The following GALNT17 variants were observed in gnomAD, a reference collection of about 807,000 sequenced individuals.
GALNT17 encodes the protein UDP-GalNAc:polypeptide N-acetylgalactosaminyltransferase-like 3.
GALNT17 carries 29 observed loss-of-function variants against 63.7 expected under a neutral mutation model. That is an observed-to-expected ratio of 0.46 (90% confidence interval 0.34 to 0.62). The LOEUF is 0.62. GALNT17 is among the 20% of genes least tolerant of loss of function. GALNT17 has a pLI of 0.01. For synonymous variants in GALNT17, 305 were observed against 318.3 expected (o/e 0.96, Z 0.45); for missense variants, 603 against 799.6 (o/e 0.75, Z 2.97).
intron 6 of GALNT17, among the ~76,000 whole-genome samples, chr7:71,615,913 A>T (rs1195459752): frequency 6.6e-6 from 1 of 152,176 alleles, no homozygotes; most frequent in African/African-American, 2.4e-5. Context: ...TCCCCTGAGG[A>T]TAGCAGGGGA....
intron 2 of GALNT17, among the ~76,000 whole-genome samples, chr7:71,360,314 A>C (rs1295078000): frequency 9.9e-5 from 15 of 152,206 alleles, no homozygotes; most frequent in Admixed American, 9.8e-4. Context: ...AACTCGGATA[A>C]GATGTGATCT....
At chr7:71,567,002 A>G (rs1271076633) in intron 5 of GALNT17, among the ~76,000 whole-genome samples, 1 of 152,134 alleles carries the variant, frequency 6.6e-6, no homozygotes, top group Non-Finnish European at 1.5e-5. Context: ...AACGCGTGTG[A>G]GCCTATTGAG....
chr7:71,519,869 A>G (rs1353080934), intron 5 of GALNT17, among the ~76,000 whole-genome samples: 2 of 152,230 alleles, frequency 1.3e-5, no homozygotes, highest in Non-Finnish European at 2.9e-5. Context: ...TCGTTAATGT[A>G]GCTATTCAAT....
intron 1 of GALNT17, among the ~76,000 whole-genome samples, chr7:71,158,710 C>CCGGAG (rs1388896163): frequency 6.6e-6 from 1 of 151,474 alleles, no homozygotes; most frequent in Non-Finnish European, 1.5e-5. Context: ...CCGAGTAGCT[C>CCGGAG]CGACTACAGG....
intron 5 of GALNT17, among the ~76,000 whole-genome samples, chr7:71,462,774 T>C (rs565886537): frequency 6.6e-6 from 1 of 152,168 alleles, no homozygotes; most frequent in Non-Finnish European, 1.5e-5. Flanking sequence ...CAATCAGATA[T>C]GCATCTATCT....
chr7:71,598,816 C>G (rs954448805), intron 6 of GALNT17, among the ~76,000 whole-genome samples: 1 of 50,674 alleles, frequency 2.0e-5, no homozygotes, highest in African/African-American at 4.8e-5. Context: ...AGTAGCAAAT[C>G]GGGTAAATGA....
In GALNT17 at chr7:71,335,074, T is replaced by A. The variant is rs540509211; in HGVS notation, c.239-476T>A. Among the ~76,000 whole-genome samples the A allele has an allele frequency of 7.2e-5, 11 of 152,320 alleles. No individual in the cohort carries two copies. The East Asian group carries it at 2.1e-3, about 29-fold the overall frequency. ...TCTCCCAGTTTAGATGGTCTCTCCC[T>A]TTTACAGACCCCCATCTCATCCCAG... On this transcript the variant is annotated intron_variant, in intron 1 of 10. Coordinates refer to ENST00000333538, the MANE Select transcript of GALNT17 (RefSeq NM_022479.3).
Position 71,473,741 on chromosome 7 carries a change from C to T in GALNT17, c.962+52636C>T, listed in dbSNP as rs576396482. On this transcript the variant is annotated intron_variant, in intron 5 of 10. Transcript: ENST00000333538. ...GGGGTGGCCTAGGCTTTTATTTTTG[C>T]CTTACACTTTGGACAAGTCTCCTAA... Among the ~76,000 whole-genome samples, 3 of 152,190 alleles carry T rather than the reference C, an allele frequency of 2.0e-5. No homozygotes were observed. In the East Asian group the frequency reaches 5.8e-4, roughly 29 times the overall value.
intron 5 of GALNT17, among the ~76,000 whole-genome samples, chr7:71,564,263 T>TTTTTC (rs1789301975): frequency 7.1e-6 from 1 of 141,194 alleles, no homozygotes; most frequent in African/African-American, 2.6e-5. Context: ...TCTTTCTTTT[T>TTTTTC]TTTTCTTTTC....
chr7:71,469,115 C>G (rs904697021), intron 5 of GALNT17, among the ~76,000 whole-genome samples: 1 of 151,912 alleles, frequency 6.6e-6, no homozygotes, highest in African/African-American at 2.4e-5. Context: ...GAAGGCACAG[C>G]AGAGGAGGGA....
At chr7:71,149,733 G>A (rs567206000) in intron 1 of GALNT17, among the ~76,000 whole-genome samples, 1 of 152,314 alleles carries the variant, frequency 6.6e-6, no homozygotes, top group African/African-American at 2.4e-5. Flanking sequence ...AACAAAACAG[G>A]AATGCTGACA....
At chr7:71,649,556 A>C (rs1790725903) in intron 6 of GALNT17, among the ~76,000 whole-genome samples, 1 of 143,012 alleles carries the variant, frequency 7.0e-6, no homozygotes, top group Non-Finnish European at 1.6e-5. Context: ...GTCCTGAGTC[A>C]GTTCCTTGGT....
intron 1 of GALNT17, among the ~76,000 whole-genome samples, chr7:71,249,324 T>C (rs1191670055): frequency 6.6e-6 from 1 of 152,234 alleles, no homozygotes; most frequent in Non-Finnish European, 1.5e-5. Flanking sequence ...CTCGTTAATT[T>C]TGGGAGACAT....
chr7:71,568,339 A>G (rs952563767), intron 5 of GALNT17, among the ~76,000 whole-genome samples: 1 of 152,198 alleles, frequency 6.6e-6, no homozygotes, highest in African/African-American at 2.4e-5. Flanking sequence ...GGCAGTGCAT[A>G]CACGAGATGT....
chr7:71,481,802 G>T (rs1787822555), intron 5 of GALNT17, among the ~76,000 whole-genome samples: 1 of 151,924 alleles, frequency 6.6e-6, no homozygotes, highest in African/African-American at 2.4e-5. Context: ...AGGCAATAAG[G>T]CACTTCGACA....
intron 1 of GALNT17, among the ~76,000 whole-genome samples, chr7:71,218,885 C>T (rs1355641035): frequency 6.6e-6 from 1 of 152,042 alleles, no homozygotes; most frequent in Non-Finnish European, 1.5e-5. Flanking sequence ...TCAGGGGTCC[C>T]ACTGATTCTG....
At chr7:71,195,246 C>T (rs6948712) in intron 1 of GALNT17, among the ~76,000 whole-genome samples, 19,515 of 152,154 alleles carry the variant, frequency 0.13, 1,541 homozygotes, top group African/African-American at 0.21. Flanking sequence ...GATGAAGCCT[C>T]TCTCTGTTGC....
intron 2 of GALNT17, among the ~76,000 whole-genome samples, chr7:71,348,357 T>G (rs771627567): frequency 1.4e-4 from 22 of 152,208 alleles, no homozygotes; most frequent in Non-Finnish European, 2.8e-4. Context: ...AGGTTATGAA[T>G]TGGCAATGTT....
Position 71,712,254 on chromosome 7 carries a change from C to T in GALNT17, c.*108C>T, listed in dbSNP as rs763762419. ...AGACAGCAAGGGGCCGGCAGGTGCT[C>T]GATGGGCCCCCCAGGGCTTCTCCAG... On this transcript the variant is annotated 3_prime_UTR_variant, in exon 11 of 11. Transcript: ENST00000333538. 16 of 1,474,334 alleles carry T rather than the reference C, an allele frequency of 1.1e-5. No individual in the cohort carries two copies. The highest frequency in any genetic ancestry group is 2.8e-5 in the African/African-American group (2 of 70,732). 91.3% of individuals were successfully genotyped at this position (1,474,334 alleles called of 1,614,324 possible).
Sources: allele counts gnomAD v4.1 joint callset (sites outside exome capture counted in the v4.1 genomes callset), GRCh38; gene constraint gnomAD v4.1.1; transcripts MANE v1.5; gene names NCBI Gene and HGNC (gene_info 2026-07-23, HGNC 2026-07-21).